CAMK1D: variants seen among roughly 807,000 people sequenced by gnomAD.
CAMK1D encodes calcium/calmodulin-dependent protein kinase type 1D.
CAMK1D carries 9 observed loss-of-function variants against 47.7 expected under a neutral mutation model. The observed-to-expected ratio is 0.19, with a 90% confidence interval of 0.11 to 0.33. The LOEUF (loss-of-function observed/expected upper bound fraction) is 0.33, where lower values mean the gene tolerates loss of function less well. CAMK1D is among the 10% of genes least tolerant of loss of function. The pLI, the probability that CAMK1D is intolerant of heterozygous loss-of-function variation, is 1.00. For missense variants in CAMK1D, 291 were observed against 488.7 expected (o/e 0.60, Z 3.81); for synonymous variants, 184 against 184.9 (o/e 0.99, Z 0.04).
intron 2 of CAMK1D, among the ~76,000 whole-genome samples, chr10:12,612,601 G>A (rs1225688055): frequency 1.3e-5 from 2 of 152,060 alleles, no homozygotes; most frequent in Admixed American, 6.6e-5. Context: ...GATTTTCCCC[G>A]GTTGTTCCTA....
At chr10:12,718,770 A>G (rs1300552983) in intron 3 of CAMK1D, among the ~76,000 whole-genome samples, 1 of 152,176 alleles carries the variant, frequency 6.6e-6, no homozygotes, top group Non-Finnish European at 1.5e-5. Flanking sequence ...TTTCATTCAA[A>G]GTTGAAATGC....
intron 9 of CAMK1D, among the ~76,000 whole-genome samples, 190 bp from the exon 10 acceptor site, chr10:12,825,383 G>T (rs1169027016): frequency 1.3e-5 from 2 of 152,032 alleles, no homozygotes; most frequent in Non-Finnish European, 2.9e-5. Flanking sequence ...ATATTTAGTT[G>T]GGGAAAGGGG....
intron 1 of CAMK1D, among the ~76,000 whole-genome samples, chr10:12,424,893 GTCCGACCATACGACAT>G (rs1337955985): frequency 6.6e-6 from 1 of 152,132 alleles, no homozygotes; most frequent in East Asian, 1.9e-4. Context: ...CTAATAGAGG[GTCCGACCATACGACAT>G]CTGGTTTGTC....
Position 12,658,713 on chromosome 10 carries a change from G to C in CAMK1D, c.225-8023G>C, listed in dbSNP as rs183874604. ...TCAGGCCATTGACCAGCAGAAGGACGTGGAGTTTGGCTGGGGCAGTTGGAG... is the reference window on the plus strand; with the variant it reads ...TCAGGCCATTGACCAGCAGAAGGACCTGGAGTTTGGCTGGGGCAGTTGGAG... On this transcript the variant is annotated intron_variant, in intron 2 of 10. Coordinates refer to ENST00000619168, the MANE Select transcript of CAMK1D (RefSeq NM_153498.4). Among the ~76,000 whole-genome samples, 389 of 152,224 alleles carry C rather than the reference G, an allele frequency of 2.6e-3. 1 individual carries two copies. Among genetic ancestry groups the C allele is most frequent in the Admixed American group, 3.4e-3 (52 of 15,288 alleles).
Position 12,834,165 on chromosome 10 carries a change from TG to T in CAMK1D, c.*5282del, listed in dbSNP as rs1360265134. 6.6e-6 allele frequency: 1 copy of T among 152,270 alleles called. No homozygotes were observed. The highest frequency in any genetic ancestry group is 1.5e-5 in the Non-Finnish European group (1 of 68,092). The allele number at this position is 152,270 out of a possible 1,614,324, so 9.4% of individuals were successfully genotyped here. On this transcript the variant is annotated 3_prime_UTR_variant, in exon 11 of 11. Transcript: ENST00000619168. ...TGAGTTAGCTTGACAACCTCAACTC[TG>T]GGGAGCAGGCAGGCGGTCTGAGGAA...
intron 3 of CAMK1D, among the ~76,000 whole-genome samples, chr10:12,678,653 A>C (rs1840890418): frequency 6.6e-6 from 1 of 152,152 alleles, no homozygotes; most frequent in Non-Finnish European, 1.5e-5. Context: ...TTGGAGCGCC[A>C]ATGTTTGGTG....
intron 4 of CAMK1D, among the ~76,000 whole-genome samples, chr10:12,762,400 TA>T (rs1836551347): frequency 1.3e-5 from 2 of 152,222 alleles, no homozygotes; most frequent in African/African-American, 4.8e-5. Flanking sequence ...TACTGGGTAT[TA>T]AGGAATAAAG....
intron 3 of CAMK1D, among the ~76,000 whole-genome samples, chr10:12,698,274 A>G (rs1399460270): frequency 1.3e-5 from 2 of 152,196 alleles, no homozygotes; most frequent in African/African-American, 4.8e-5. Flanking sequence ...TGTTTAAGAC[A>G]TTTACAGTTA....
chr10:12,792,519 G>A (rs1333774797), intron 6 of CAMK1D, among the ~76,000 whole-genome samples: 1 of 152,208 alleles, frequency 6.6e-6, no homozygotes, highest in African/African-American at 2.4e-5. Context: ...GCAGGGGATG[G>A]TGATTGGAGA....
chr10:12,365,923 G>A (rs948199195), intron 1 of CAMK1D, among the ~76,000 whole-genome samples: 1 of 152,170 alleles, frequency 6.6e-6, no homozygotes, highest in African/African-American at 2.4e-5. Context: ...GGGCGTGGTG[G>A]CACATGCCTG....
intron 3 of CAMK1D, among the ~76,000 whole-genome samples, chr10:12,731,044 G>A (rs764484898): frequency 3.9e-5 from 6 of 152,130 alleles, no homozygotes; most frequent in African/African-American, 4.8e-5. Flanking sequence ...ATAAGGTTTT[G>A]GTTTTGGTTT....
chr10:12,730,357 G>A (rs1428548484), intron 3 of CAMK1D, among the ~76,000 whole-genome samples: 1 of 152,186 alleles, frequency 6.6e-6, no homozygotes, highest in Non-Finnish European at 1.5e-5. Flanking sequence ...CTAAGATGGG[G>A]AAGCACGGGG....
intron 1 of CAMK1D, among the ~76,000 whole-genome samples, chr10:12,549,317 G>A (rs986551897): frequency 1.3e-5 from 2 of 152,192 alleles, no homozygotes; most frequent in African/African-American, 4.8e-5. Flanking sequence ...ACGGTATTTG[G>A]CTTTTTGTAT....
chr10:12,814,388 G>A, intron 7 of CAMK1D, 81 bp downstream of exon 7: 1 of 836,046 alleles, frequency 1.2e-6, no homozygotes, highest in Non-Finnish European at 2.0e-6. Context: ...CAGGCCCAGG[G>A]GACCCTGGGG....
chr10:12,665,819 G>A (rs1046565031), intron 2 of CAMK1D, among the ~76,000 whole-genome samples: 1 of 152,236 alleles, frequency 6.6e-6, no homozygotes, highest in Non-Finnish European at 1.5e-5. Flanking sequence ...GATATCTCCT[G>A]GGAGCTGGTT....
intron 1 of CAMK1D, among the ~76,000 whole-genome samples, chr10:12,481,570 C>T (rs982670189): frequency 1.3e-5 from 2 of 151,962 alleles, no homozygotes; most frequent in Non-Finnish European, 2.9e-5. Flanking sequence ...AGTGCAGTGG[C>T]AGGAACTTGG....
chr10:12,567,661 T>A (rs1837165841), intron 2 of CAMK1D, among the ~76,000 whole-genome samples: 2 of 152,192 alleles, frequency 1.3e-5, no homozygotes, highest in African/African-American at 4.8e-5. Flanking sequence ...GCTATTTACT[T>A]TAAAATGGTT....
chr10:12,398,743 A>G (rs1839064032), intron 1 of CAMK1D, among the ~76,000 whole-genome samples: 1 of 152,152 alleles, frequency 6.6e-6, no homozygotes, highest in South Asian at 2.1e-4. Context: ...AGAATATAGA[A>G]TTTATTTGGA....
intron 1 of CAMK1D, among the ~76,000 whole-genome samples, chr10:12,489,858 G>C (rs1003060321): frequency 6.6e-6 from 1 of 152,134 alleles, no homozygotes; most frequent in African/African-American, 2.4e-5. Flanking sequence ...GGTTCTGCAG[G>C]GACCACGGGC....
Sources: allele counts gnomAD v4.1 joint callset (sites outside exome capture counted in the v4.1 genomes callset), GRCh38; gene constraint gnomAD v4.1.1; transcripts MANE v1.5; gene names NCBI Gene and HGNC (gene_info 2026-07-23, HGNC 2026-07-21).